Variants in SPTB observed in about 807,000 individuals in gnomAD.
SPTB encodes spectrin beta, erythrocytic.
A neutral mutation model predicts 256.2 loss-of-function variants in SPTB; 45 were observed. That is an observed-to-expected ratio of 0.18 (90% confidence interval 0.14 to 0.23). The LOEUF (loss-of-function observed/expected upper bound fraction) is 0.23. SPTB is among the 10% of genes least tolerant of loss of function. The probability of loss-of-function intolerance (pLI) is 1.00; values close to 1 mark genes in which losing one functional copy is unlikely to be tolerated. For synonymous variants in SPTB, 1,231 were observed against 1,243.1 expected (o/e 0.99, Z 0.21); for missense variants, 2,715 against 3,040.4 (o/e 0.89, Z 2.52).
chr14:64,855,505 T>A lies in SPTB; in HGVS notation c.-52+24287A>T, dbSNP rs1278405170. Reference sequence around the variant, plus strand: ...TTGTGTTCTAACATGACTTAATTTTTTTATTATTATTATTATTTTTAAATC... The same window carrying A: ...TTGTGTTCTAACATGACTTAATTTTATTATTATTATTATTATTTTTAAATC... On this transcript the variant is annotated intron_variant, in intron 1 of 35. Coordinates refer to ENST00000644917, the MANE Select transcript of SPTB (RefSeq NM_001355436.2). Among the ~76,000 whole-genome samples, 10 of 152,228 alleles carry A rather than the reference T, an allele frequency of 6.6e-5. No individual in the cohort carries two copies. The East Asian group carries it at 7.7e-4, about 12-fold the overall frequency.
chr14:64,750,878 TAATA>T (rs1026574685), intron 33 of SPTB, among the ~76,000 whole-genome samples: 5 of 146,314 alleles, frequency 3.4e-5, no homozygotes, highest in Non-Finnish European at 6.0e-5. Flanking sequence ...CTATTATGTA[TAATA>T]TATATTTATA....
In SPTB at chr14:64,753,776, C is replaced by G. The variant is rs755875675; in HGVS notation, c.6363G>C (p.Thr2121=). Residue 2121 remains threonine (T), a synonymous_variant, in exon 33 of 36, where the codon ACG becomes ACC. Coordinates refer to ENST00000644917, the MANE Select transcript of SPTB (RefSeq NM_001355436.2). ...GTGGCTGCTGCAGGTTCTGAGGCCA[C>G]GTTCCCTCTTCTTCCCCCTGCTCAG... ...ERTSPGEEEG[T]WPQNLQQPPP... The G allele has an allele frequency of 6.2e-7, 1 of 1,613,322 alleles. No homozygotes were observed. Among genetic ancestry groups the G allele is most frequent in the Non-Finnish European group, 8.5e-7 (1 of 1,180,018 alleles).
chr14:64,754,655 C>T (rs1327065016), intron 32 of SPTB: 1 of 152,538 alleles, frequency 6.6e-6, no homozygotes, highest in African/African-American at 2.4e-5. Context: ...CCTGCACCTC[C>T]CTGTGGAGAC....
At chr14:64,830,640 T>C (rs909533328) in intron 1 of SPTB, among the ~76,000 whole-genome samples, 4 of 152,178 alleles carry the variant, frequency 2.6e-5, no homozygotes, top group Non-Finnish European at 5.9e-5. Context: ...AAAGCTCTAC[T>C]TCACTCAGGC....
chr14:64,805,823 A>T (rs865840953), intron 2 of SPTB, among the ~76,000 whole-genome samples: 1 of 152,228 alleles, frequency 6.6e-6, no homozygotes, highest in African/African-American at 2.4e-5. Context: ...GAGGAAAATG[A>T]TGAGCAAGGG....
intron 32 of SPTB, among the ~76,000 whole-genome samples, chr14:64,762,201 A>ATGT (rs1204716883): frequency 6.6e-6 from 1 of 152,196 alleles, no homozygotes; most frequent in Non-Finnish European, 1.5e-5. Context: ...GGGAAAACTG[A>ATGT]TGTTGTTTCC....
chr14:64,761,513 T>A (rs2082096701), intron 32 of SPTB, among the ~76,000 whole-genome samples: 1 of 152,118 alleles, frequency 6.6e-6, no homozygotes, highest in Admixed American at 6.5e-5. Flanking sequence ...AGTGCAACAC[T>A]GCACCCCAGA....
rs145675502 is a variant in SPTB, at chr14:64,795,375, C to T, written c.1606G>A (p.Asp536Asn). 785 of 1,613,460 alleles carry T rather than the reference C, an allele frequency of 4.9e-4. 1 individual carries two copies. The Middle Eastern group carries it at 5.1e-3, about 11-fold the overall frequency. ...ATCCAGTCGATGCTGTGCAGCATGT[C>T]CTGGAAGAGCTTCTGCAGTGCCAGG... ...TTLALQKLFQ[D>N]MLHSIDWMDE... The change falls in exon 12 of 36, where the codon GAC becomes AAC. Residue 536 changes from aspartate to asparagine, a missense_variant. By Grantham distance (23) the Asp-to-Asn change is conservative (BLOSUM62 1). Transcript: ENST00000644917. This position sits in a 1 kb window ranked among gnomAD's most constrained non-coding sequence, Gnocchi z 6.5.
rs545098411 is a variant in SPTB at position 64,783,057 on chromosome 14, G to T, written c.4003-504C>A. Among the ~76,000 whole-genome samples the T allele has an allele frequency of 5.3e-5, 8 of 152,244 alleles. No individual in the cohort carries two copies. The South Asian group carries it at 1.7e-3, about 32-fold the overall frequency. ...ACAGTCAGTGCAGAAACTGCCCCGT[G>T]AGTTCCTGAGGTTGTGCACTAACCT... is the stretch of plus-strand genomic sequence containing the variant. On this transcript the variant is annotated intron_variant, in intron 19 of 35. Coordinates refer to ENST00000644917, the MANE Select transcript of SPTB (RefSeq NM_001355436.2).
chr14:64,815,151 CT>C (rs998172021), intron 2 of SPTB, among the ~76,000 whole-genome samples: 1 of 152,094 alleles, frequency 6.6e-6, no homozygotes, highest in African/African-American at 2.4e-5. Context: ...CCCGGAGGTT[CT>C]TAAGTAAAGC....
At position 64,806,072 on chromosome 14, in the gene SPTB, C is replaced by A. The variant is rs1260821755; in HGVS notation, c.149-982G>T. 6.7e-6 allele frequency among the ~76,000 whole-genome samples: 1 copy of A among 150,210 alleles called. No individual in the cohort carries two copies. Among genetic ancestry groups the A allele is most frequent in the African/African-American group, 2.5e-5 (1 of 40,312 alleles). ...GTGGTCTGTCCAAGTTAGGCACCAG[C>A]ATTACCTGGGGAAGCTCAGACAAGA... On this transcript the variant is annotated intron_variant, in intron 2 of 35. Transcript: ENST00000644917. The surrounding 1 kb of genome is among the most constrained non-coding windows in gnomAD (Gnocchi z 4.1).
intron 2 of SPTB, among the ~76,000 whole-genome samples, chr14:64,812,008 T>C (rs2083098692): frequency 6.6e-6 from 1 of 151,884 alleles, no homozygotes; most frequent in Non-Finnish European, 1.5e-5. Context: ...CATACACTGG[T>C]AAAAAAAAAT....
chr14:64,798,282 G>C (rs1357522538), intron 9 of SPTB, among the ~76,000 whole-genome samples: 1 of 152,302 alleles, frequency 6.6e-6, no homozygotes, highest in East Asian at 1.9e-4. Flanking sequence ...CCCAGAAGCA[G>C]CATATTCCGT....
chr14:64,749,637 A>G lies in SPTB; in HGVS notation c.6819+17T>C. The G allele has an allele frequency of 6.2e-7, 1 of 1,613,450 alleles. No homozygotes were observed. Among genetic ancestry groups the G allele is most frequent in the Non-Finnish European group, 8.5e-7 (1 of 1,179,896 alleles). On this transcript the variant is annotated intron_variant, in intron 35 of 35. Transcript: ENST00000644917. This position sits in a 1 kb window ranked among gnomAD's most constrained non-coding sequence, Gnocchi z 4.7. ...CCCCCTTCTTAGCCAGGTCTGGGCT[A>G]GGCTGCCCGCGCTTACCTCATCCTT...
chr14:64,844,133 GA>G lies in SPTB; in HGVS notation c.-51-20989del, dbSNP rs1432589226. Reference sequence around the variant, plus strand: ...AAATGGTACACCCAGGCTGGGTAGAGAATCTTCACGAAGAATGTGATGGCCA... The same window carrying G: ...AAATGGTACACCCAGGCTGGGTAGAGATCTTCACGAAGAATGTGATGGCCA... On this transcript the variant is annotated intron_variant, in intron 1 of 35. Transcript: ENST00000644917. The surrounding 1 kb of genome is among the most constrained non-coding windows in gnomAD (Gnocchi z 4.1). Among the ~76,000 whole-genome samples, 2 of 152,164 alleles carry G rather than the reference GA, an allele frequency of 1.3e-5. No individual in the cohort carries two copies. The highest frequency in any genetic ancestry group is 4.8e-5 in the African/African-American group (2 of 41,432).
chr14:64,787,170 G>A lies in SPTB; in HGVS notation c.2805-10C>T. ...CTGAAATGCCTGCCACCTGCCGGAT[G>A]GGGACACAGCCCGGAGGAGAGAGAC... On this transcript the variant is annotated splice_polypyrimidine_tract_variant and intron_variant, in intron 15 of 35. Transcript: ENST00000644917. 1 of 1,602,736 alleles carries A rather than the reference G, an allele frequency of 6.2e-7. No individual in the cohort carries two copies. The highest frequency in any genetic ancestry group is 8.5e-7 in the Non-Finnish European group (1 of 1,179,934).
chr14:64,750,271 A>ATGTT, intron 33 of SPTB, 117 bp from the exon 34 acceptor site: 1 of 1,044,900 alleles, frequency 9.6e-7, no homozygotes, highest in Non-Finnish European at 1.4e-6. Context: ...ACATAGTAAC[A>ATGTT]TGTTTTATTG....
chr14:64,803,410 C>T (rs1351506120), intron 4 of SPTB, among the ~76,000 whole-genome samples, 197 bp downstream of exon 4: 2 of 152,212 alleles, frequency 1.3e-5, no homozygotes, highest in African/African-American at 2.4e-5. Flanking sequence ...GAGTGAGCAG[C>T]TCCCCCTGAG....
intron 2 of SPTB, among the ~76,000 whole-genome samples, chr14:64,808,919 G>C (rs1481940332): frequency 2.0e-5 from 3 of 151,930 alleles, no homozygotes; most frequent in East Asian, 1.9e-4. Context: ...GATTGTGAAG[G>C]GGAGGGGAGC....
Sources: allele counts gnomAD v4.1 joint callset (sites outside exome capture counted in the v4.1 genomes callset), GRCh38; gene constraint gnomAD v4.1.1; non-coding constraint Gnocchi (gnomAD v3.1); transcripts MANE v1.5; gene names NCBI Gene and HGNC (gene_info 2026-07-23, HGNC 2026-07-21).